THSD4: variants seen among roughly 807,000 people sequenced by gnomAD.
THSD4 encodes thrombospondin type-1 domain-containing protein 4.
A neutral mutation model predicts 119.0 loss-of-function variants in THSD4; 69 were observed. That is an observed-to-expected ratio of 0.58 (90% confidence interval 0.48 to 0.71). The LOEUF (loss-of-function observed/expected upper bound fraction) is 0.71, where lower values mean the gene tolerates loss of function less well. Among genes scored for constraint, THSD4 ranks in the 30% least tolerant of loss-of-function variants. The pLI, the probability that THSD4 is intolerant of heterozygous loss-of-function variation, is 0.00. For missense variants in THSD4, 1,393 were observed against 1,391.1 expected (o/e 1.00, Z -0.02); for synonymous variants, 524 against 540.4 (o/e 0.97, Z 0.42).
intron 7 of THSD4, among the ~76,000 whole-genome samples, chr15:71,557,762 G>T (rs7169702): frequency 1.3e-5 from 2 of 152,306 alleles, no homozygotes; most frequent in East Asian, 3.9e-4. Flanking sequence ...TAACATAAAT[G>T]TGTTCATTAT....
chr15:71,647,007 A>C (rs1422576577), intron 7 of THSD4, among the ~76,000 whole-genome samples: 1 of 152,232 alleles, frequency 6.6e-6, no homozygotes. Flanking sequence ...AACCACGTGC[A>C]GTATAGATTA....
At chr15:71,568,350 G>T (rs1165649016) in intron 7 of THSD4, among the ~76,000 whole-genome samples, 1 of 152,012 alleles carries the variant, frequency 6.6e-6, no homozygotes, top group Non-Finnish European at 1.5e-5. Flanking sequence ...TACAAAATAG[G>T]ATGCAGCACA....
chr15:71,541,109 C>T (rs1363570837), intron 7 of THSD4, among the ~76,000 whole-genome samples: 1 of 152,136 alleles, frequency 6.6e-6, no homozygotes, highest in South Asian at 2.1e-4. Context: ...TGCTGTCCAC[C>T]AGTGTGGCTA....
intron 6 of THSD4, among the ~76,000 whole-genome samples, chr15:71,307,699 T>C (rs1237722200): frequency 2.6e-5 from 4 of 151,978 alleles, no homozygotes; most frequent in African/African-American, 9.7e-5. Flanking sequence ...ACCTGGGAGG[T>C]GGAGGTTGCA....
chr15:71,164,366 CTTT>C (rs878855643), intron 3 of THSD4, among the ~76,000 whole-genome samples: 10 of 127,462 alleles, frequency 7.8e-5, no homozygotes, highest in Admixed American at 1.5e-4. Context: ...ACAGCTGCAA[CTTT>C]TTTTTTTTTT....
At chr15:71,631,609 A>C (rs561837588) in intron 7 of THSD4, among the ~76,000 whole-genome samples, 104 of 152,288 alleles carry the variant, frequency 6.8e-4, no homozygotes, top group African/African-American at 2.3e-3. Flanking sequence ...TATCTTAGAG[A>C]TTTTGAAAAG....
At chr15:71,414,922 T>G (rs953984925) in intron 7 of THSD4, among the ~76,000 whole-genome samples, 2 of 152,224 alleles carry the variant, frequency 1.3e-5, no homozygotes, top group African/African-American at 4.8e-5. Context: ...ACTGACGGCT[T>G]CAGTTTAAAT....
chr15:71,633,292 T>TG (rs1423830484), intron 7 of THSD4, among the ~76,000 whole-genome samples: 3 of 123,224 alleles, frequency 2.4e-5, no homozygotes, highest in African/African-American at 8.2e-5. Flanking sequence ...TTTTTTTTTT[T>TG]GGAGACAGGG....
intron 7 of THSD4, among the ~76,000 whole-genome samples, chr15:71,454,479 AGCTGTGGG>A (rs2047309827): frequency 6.6e-6 from 1 of 152,218 alleles, no homozygotes; most frequent in South Asian, 2.1e-4. Flanking sequence ...CCCCTCTCCC[AGCTGTGGG>A]GCTCCAGGGC....
chr15:71,563,303 C>T (rs58421308), intron 7 of THSD4, among the ~76,000 whole-genome samples: 11,653 of 152,162 alleles, frequency 0.077, 1,540 homozygotes, highest in African/African-American at 0.27. Flanking sequence ...AGCAAAACCA[C>T]TCTGGAAATC....
chr15:71,376,936 G>C (rs917286529), intron 6 of THSD4, among the ~76,000 whole-genome samples: 1 of 152,212 alleles, frequency 6.6e-6, no homozygotes, highest in Non-Finnish European at 1.5e-5. Flanking sequence ...GGTTGGGGAA[G>C]GTGGTGACAC....
At chr15:71,513,681 G>C (rs997279861) in intron 7 of THSD4, among the ~76,000 whole-genome samples, 9 of 152,036 alleles carry the variant, frequency 5.9e-5, no homozygotes, top group African/African-American at 2.2e-4. Context: ...GAAATTGCTG[G>C]GTATTTACTC....
intron 6 of THSD4, among the ~76,000 whole-genome samples, chr15:71,320,644 T>C (rs1200575955): frequency 6.6e-6 from 1 of 152,222 alleles, no homozygotes; most frequent in East Asian, 1.9e-4. Context: ...ATCAAACTTT[T>C]TGCTCCATCC....
At chr15:71,662,102 G>A (rs1318144106) in intron 8 of THSD4, among the ~76,000 whole-genome samples, 1 of 152,178 alleles carries the variant, frequency 6.6e-6, no homozygotes, top group East Asian at 1.9e-4. Context: ...GTGTGCCACT[G>A]GCCGTGCAGC....
At chr15:71,648,783 A>G (rs2051023217) in intron 7 of THSD4, among the ~76,000 whole-genome samples, 1 of 152,220 alleles carries the variant, frequency 6.6e-6, no homozygotes, top group Admixed American at 6.5e-5. Flanking sequence ...TCCCATGGCC[A>G]GACTGCCAAG....
chr15:71,198,150 A>G (rs72759617), intron 3 of THSD4, among the ~76,000 whole-genome samples: 2,532 of 152,344 alleles, frequency 0.017, 30 homozygotes, highest in Non-Finnish European at 0.027. Flanking sequence ...AGTCCCAGCT[A>G]CATGGGAGGT....
At chr15:71,515,824 C>T (rs1433730266) in intron 7 of THSD4, among the ~76,000 whole-genome samples, 3 of 152,116 alleles carry the variant, frequency 2.0e-5, no homozygotes, top group Non-Finnish European at 2.9e-5. Flanking sequence ...TTCCCATTGC[C>T]GGAAAGTGGG....
intron 1 of THSD4, among the ~76,000 whole-genome samples, chr15:71,105,429 C>T (rs980794741): frequency 6.6e-6 from 1 of 152,208 alleles, no homozygotes; most frequent in East Asian, 1.9e-4. Flanking sequence ...TTAATTTCCT[C>T]CCATCCCATT....
chr15:71,259,785 T>G (rs2044368213), intron 6 of THSD4, among the ~76,000 whole-genome samples: 1 of 152,244 alleles, frequency 6.6e-6, no homozygotes, highest in Non-Finnish European at 1.5e-5. Flanking sequence ...TGACTCAGCC[T>G]ACATTGAGGG....
Sources: gnomAD v4.1 joint callset for allele counts (sites outside exome capture counted in the v4.1 genomes callset) on GRCh38, gnomAD v4.1.1 for gene constraint, MANE v1.5 for transcripts, NCBI Gene and HGNC (gene_info 2026-07-23, HGNC 2026-07-21) for gene names.